SYN3: variants seen among roughly 807,000 people sequenced by gnomAD.
SYN3 encodes the protein synapsin III.
Under a neutral mutation model 65.8 loss-of-function variants are expected in SYN3, and 35 were observed. The observed-to-expected ratio is 0.53, with a 90% CI of 0.41 to 0.70. The LOEUF is 0.70. Among genes scored for constraint, SYN3 ranks in the 30% least tolerant of loss-of-function variants. The pLI, the probability that SYN3 is intolerant of heterozygous loss-of-function variation, is 0.00. For missense variants in SYN3, 680 were observed against 749.0 expected, an observed-to-expected ratio of 0.91 and a Z score of 1.08; for synonymous variants, 270 against 292.9, an observed-to-expected ratio of 0.92 and a Z score of 0.80.
At chr22:32,970,224 A>G (rs916451602) in intron 3 of SYN3, among the ~76,000 whole-genome samples, 1 of 152,186 alleles carries the variant, frequency 6.6e-6, no homozygotes, top group Admixed American at 6.5e-5. Flanking sequence ...TTATATGAGG[A>G]AACTGAGGCA....
chr22:32,874,874 T>C (rs566855051), intron 4 of SYN3, among the ~76,000 whole-genome samples: 1 of 152,186 alleles, frequency 6.6e-6, no homozygotes, highest in African/African-American at 2.4e-5. Flanking sequence ...AATTCAACCT[T>C]GGGTATCAAA....
chr22:32,865,858 G>A (rs2048675846), intron 5 of SYN3, among the ~76,000 whole-genome samples: 1 of 152,196 alleles, frequency 6.6e-6, no homozygotes, highest in African/African-American at 2.4e-5. Flanking sequence ...AGGGGGTGAA[G>A]GGACCTGGAA....
chr22:32,774,210 C>G (rs371300780), intron 6 of SYN3, among the ~76,000 whole-genome samples: 15 of 152,228 alleles, frequency 9.9e-5, no homozygotes, highest in African/African-American at 3.6e-4. Flanking sequence ...AATCCCTCAC[C>G]CTTGGTCCCT....
chr22:32,745,020 T>C (rs2044884188), intron 6 of SYN3, among the ~76,000 whole-genome samples: 1 of 152,076 alleles, frequency 6.6e-6, no homozygotes. Context: ...TTTATCAAAA[T>C]GTTAGGATGG....
intron 2 of SYN3, among the ~76,000 whole-genome samples, chr22:33,003,221 T>C (rs1421647612): frequency 1.3e-5 from 2 of 151,884 alleles, no homozygotes; most frequent in Non-Finnish European, 2.9e-5. Flanking sequence ...CCCCAGAGAG[T>C]GGGATGCTTC....
At chr22:32,880,911 G>C (rs1225615919) in intron 4 of SYN3, among the ~76,000 whole-genome samples, 1 of 152,222 alleles carries the variant, frequency 6.6e-6, no homozygotes, top group East Asian at 1.9e-4. Context: ...GGGCTGCTGA[G>C]ATGTGCTTGG....
intron 6 of SYN3, among the ~76,000 whole-genome samples, chr22:32,665,492 T>G (rs1222586585): frequency 1.5e-5 from 1 of 68,182 alleles, no homozygotes; most frequent in African/African-American, 4.5e-5. Context: ...AGTGTGTGTA[T>G]ATATATATAT....
chr22:33,028,971 CA>C (rs2053698923), intron 1 of SYN3, among the ~76,000 whole-genome samples: 1 of 151,494 alleles, frequency 6.6e-6, no homozygotes, highest in African/African-American at 2.4e-5. Context: ...ACCCGGGAGG[CA>C]GAGCTTGCAG....
At chr22:32,691,110 A>AACGTC (rs2060655898) in intron 6 of SYN3, among the ~76,000 whole-genome samples, 1 of 152,100 alleles carries the variant, frequency 6.6e-6, no homozygotes, top group Admixed American at 6.5e-5. Context: ...TCTCCTACAG[A>AACGTC]ACGTCACTCC....
chr22:32,532,739 C>T (rs926425197), intron 10 of SYN3, among the ~76,000 whole-genome samples: 1 of 152,114 alleles, frequency 6.6e-6, no homozygotes, highest in Non-Finnish European at 1.5e-5. Flanking sequence ...ACGGGAGGAC[C>T]GGCTGGCTCC....
intron 4 of SYN3, among the ~76,000 whole-genome samples, chr22:32,917,263 C>T (rs1330976685): frequency 6.6e-6 from 1 of 152,152 alleles, no homozygotes; most frequent in African/African-American, 2.4e-5. Flanking sequence ...GACACCAATG[C>T]TAGTGTTTTT....
intron 4 of SYN3, among the ~76,000 whole-genome samples, chr22:32,904,898 C>G (rs1486272416): frequency 6.6e-6 from 1 of 152,186 alleles, no homozygotes; most frequent in Non-Finnish European, 1.5e-5. Flanking sequence ...AATGAATTAA[C>G]TTCCCTCCTG....
intron 6 of SYN3, among the ~76,000 whole-genome samples, chr22:32,830,966 C>T (rs2047556742): frequency 6.6e-6 from 1 of 152,040 alleles, no homozygotes; most frequent in African/African-American, 2.4e-5. Context: ...TTTTTTTCCC[C>T]AACCAGGGGC....
intron 13 of SYN3, among the ~76,000 whole-genome samples, chr22:32,514,278 A>G (rs1437328620): frequency 6.6e-6 from 1 of 152,196 alleles, no homozygotes; most frequent in Admixed American, 6.5e-5. Context: ...CCTGTATTCT[A>G]GAACCTTCTC....
Position 32,528,941 on chromosome 22 carries a change from A to C in SYN3, c.1163T>G (p.Leu388Arg), listed in dbSNP as rs973607761. The C allele has an allele frequency of 6.2e-7, 1 of 1,614,010 alleles. No individual in the cohort carries two copies. The highest frequency in any genetic ancestry group is 1.3e-5 in the African/African-American group (1 of 74,932). ...VEEDRQLMAD[L>R]VVSKMSQLPM... ...GAGCTGGCTCATTTTGGAGACAACAAGGTCGGCCATCAGCTGTCTGTCCTC... is the reference window on the plus strand; with the variant it reads ...GAGCTGGCTCATTTTGGAGACAACACGGTCGGCCATCAGCTGTCTGTCCTC... The change falls in exon 11 of 14, where the codon CTT (leucine) becomes CGT (arginine). Residue 388 changes from leucine to arginine, a missense_variant. Coordinates refer to ENST00000358763, the MANE Select transcript of SYN3 (RefSeq NM_003490.4).
At chr22:33,019,114 G>A (rs907001192) in intron 1 of SYN3, among the ~76,000 whole-genome samples, 5 of 152,278 alleles carry the variant, frequency 3.3e-5, no homozygotes, top group African/African-American at 1.2e-4. Flanking sequence ...CCTAACCAGA[G>A]GAAGCCCCCT....
intron 6 of SYN3, among the ~76,000 whole-genome samples, chr22:32,844,088 G>A (rs1032663141): frequency 9.9e-5 from 15 of 152,214 alleles, no homozygotes; most frequent in Admixed American, 4.6e-4. Flanking sequence ...AGGAGTCCTT[G>A]ATCCCCAGAC....
intron 4 of SYN3, among the ~76,000 whole-genome samples, chr22:32,922,747 C>T (rs570878462): frequency 2.9e-4 from 44 of 152,228 alleles, no homozygotes; most frequent in Admixed American, 6.5e-4. Context: ...CTGGCACTGG[C>T]CTGGCTTGGG....
chr22:32,730,196 C>T lies in SYN3; in HGVS notation c.712-133460G>A, dbSNP rs534593744. ...GAATAACCATTGTAATGGTGGCTAC[C>T]ATTTACTAAATGCACACCTTGAATA... On this transcript the variant is annotated intron_variant, in intron 6 of 13. Coordinates refer to ENST00000358763, the MANE Select transcript of SYN3 (RefSeq NM_003490.4). Among the ~76,000 whole-genome samples the T allele has an allele frequency of 1.3e-3, 191 of 152,328 alleles. 1 individual carries two copies. The highest frequency in any genetic ancestry group is 3.5e-3 in the South Asian group (17 of 4,828).
Sources: allele counts gnomAD v4.1 joint callset (sites outside exome capture counted in the v4.1 genomes callset), GRCh38; gene constraint gnomAD v4.1.1; transcripts MANE v1.5; gene names NCBI Gene and HGNC (gene_info 2026-07-23, HGNC 2026-07-21).